TRPM3: variants seen among roughly 807,000 people sequenced by gnomAD.
The protein encoded by TRPM3 is long transient receptor potential channel 3.
A neutral mutation model predicts 181.2 loss-of-function variants in TRPM3; 77 were observed. The observed-to-expected ratio is 0.42, with a 90% CI of 0.35 to 0.51. The LOEUF (loss-of-function observed/expected upper bound fraction) is 0.51. Ranked by LOEUF, TRPM3 falls within the 20% of genes least tolerant of loss-of-function variation. The pLI is 0.01. For synonymous variants in TRPM3, 745 were observed against 796.4 expected, an observed-to-expected ratio of 0.94 and a Z score of 1.09; for missense variants, 1,759 against 2,196.7, an observed-to-expected ratio of 0.80 and a Z score of 3.98.
intron 1 of TRPM3, among the ~76,000 whole-genome samples, chr9:71,112,574 A>G (rs1169975012): frequency 6.6e-6 from 1 of 152,180 alleles, no homozygotes; most frequent in Non-Finnish European, 1.5e-5. Context: ...ACACTAATCA[A>G]AAACATAGTT....
At chr9:70,563,146 T>A (rs2049575614) in intron 22 of TRPM3, among the ~76,000 whole-genome samples, 1 of 152,238 alleles carries the variant, frequency 6.6e-6, no homozygotes, top group Non-Finnish European at 1.5e-5. Context: ...GAGACATGCA[T>A]GAGCTAGCCT....
intron 1 of TRPM3, among the ~76,000 whole-genome samples, chr9:71,006,475 CAT>C: frequency 6.6e-6 from 1 of 151,816 alleles, no homozygotes; most frequent in East Asian, 1.9e-4. Context: ...ATGATACACA[CAT>C]ATTGAAAGTG....
At chr9:70,943,307 G>T (rs1245133208) in intron 1 of TRPM3, among the ~76,000 whole-genome samples, 1 of 152,116 alleles carries the variant, frequency 6.6e-6, no homozygotes, top group Admixed American at 6.5e-5. Flanking sequence ...TCAAAACTTG[G>T]CTGATTACAT....
chr9:70,761,519 C>T, intron 8 of TRPM3, 82 bp downstream of exon 8: 1 of 1,597,934 alleles, frequency 6.3e-7, no homozygotes, highest in Non-Finnish European at 8.6e-7. Flanking sequence ...GAGAATGTTG[C>T]ATGATTTGAG....
intron 1 of TRPM3, among the ~76,000 whole-genome samples, chr9:71,276,929 G>T (rs1290398588): frequency 6.6e-6 from 1 of 152,132 alleles, no homozygotes; most frequent in Non-Finnish European, 1.5e-5. Flanking sequence ...AAAATAAGTT[G>T]TGATATGCCC....
At chr9:70,848,023 C>G (rs1055942963) in intron 3 of TRPM3, among the ~76,000 whole-genome samples, 1 of 151,776 alleles carries the variant, frequency 6.6e-6, no homozygotes, top group Admixed American at 6.6e-5. Flanking sequence ...GAATGAGAAC[C>G]AATAGAAACA....
At chr9:70,786,806 T>A (rs1372573111) in intron 6 of TRPM3, among the ~76,000 whole-genome samples, 3 of 152,214 alleles carry the variant, frequency 2.0e-5, no homozygotes, top group Non-Finnish European at 4.4e-5. Flanking sequence ...CTGTTTTATA[T>A]CAGATGATAT....
At chr9:71,349,633 T>A (rs2091488148) in intron 1 of TRPM3, among the ~76,000 whole-genome samples, 1 of 152,224 alleles carries the variant, frequency 6.6e-6, no homozygotes, top group South Asian at 2.1e-4. Flanking sequence ...ATGAATGCTC[T>A]TTCATAGGTC....
intron 1 of TRPM3, among the ~76,000 whole-genome samples, chr9:70,886,704 G>A (rs879870209): frequency 8.7e-5 from 13 of 149,938 alleles, no homozygotes; most frequent in South Asian, 2.1e-4. Context: ...CGCTCTTGTC[G>A]CCCAGGCTGG....
intron 8 of TRPM3, among the ~76,000 whole-genome samples, chr9:70,752,263 G>T (rs958171798): frequency 2.0e-5 from 3 of 152,100 alleles, no homozygotes; most frequent in Admixed American, 2.0e-4. Flanking sequence ...AGCCAGAAAG[G>T]CTCATGTATA....
At chr9:70,840,149 T>A (rs2094549821) in intron 5 of TRPM3, among the ~76,000 whole-genome samples, 1 of 152,170 alleles carries the variant, frequency 6.6e-6, no homozygotes, top group Non-Finnish European at 1.5e-5. Context: ...AACTATGTCA[T>A]AAATCCTGTA....
chr9:71,264,823 C>T (rs2083280848), intron 1 of TRPM3, among the ~76,000 whole-genome samples: 1 of 152,150 alleles, frequency 6.6e-6, no homozygotes, highest in Admixed American at 6.5e-5. Context: ...CCTTTCTTCT[C>T]ACCTTTTAAA....
intron 1 of TRPM3, among the ~76,000 whole-genome samples, chr9:71,196,392 C>A (rs1332317757): frequency 6.6e-6 from 1 of 151,870 alleles, no homozygotes; most frequent in Non-Finnish European, 1.5e-5. Flanking sequence ...TTTCAAAAGT[C>A]TTCCCTTCAT....
chr9:70,551,956 G>A (rs1163802801), intron 24 of TRPM3, among the ~76,000 whole-genome samples: 2 of 152,216 alleles, frequency 1.3e-5, no homozygotes, highest in South Asian at 2.1e-4. Flanking sequence ...GGTGTTAAGA[G>A]CTTCAGATTT....
At chr9:70,569,037 A>C (rs1014838444) in intron 22 of TRPM3, among the ~76,000 whole-genome samples, 3 of 152,238 alleles carry the variant, frequency 2.0e-5, no homozygotes, top group Non-Finnish European at 4.4e-5. Context: ...CCCAGTCTTC[A>C]TTTAACTATT....
chr9:71,078,093 A>T (rs768197052), intron 1 of TRPM3, among the ~76,000 whole-genome samples: 17 of 152,008 alleles, frequency 1.1e-4, no homozygotes, highest in Non-Finnish European at 1.8e-4. Flanking sequence ...GCAAAAACAT[A>T]CTTGGGAGGA....
intron 1 of TRPM3, among the ~76,000 whole-genome samples, chr9:71,180,171 C>T (rs1033524406): frequency 2.0e-5 from 3 of 150,410 alleles, no homozygotes; most frequent in African/African-American, 7.4e-5. Context: ...TCTCCTGTCT[C>T]AGCCTCCTGA....
At chr9:70,834,083 C>T (rs1356502016) in intron 5 of TRPM3, among the ~76,000 whole-genome samples, 1 of 152,180 alleles carries the variant, frequency 6.6e-6, no homozygotes, top group East Asian at 1.9e-4. Context: ...GGCACCTTGG[C>T]TGTAAGGACA....
intron 1 of TRPM3, among the ~76,000 whole-genome samples, chr9:70,891,594 C>G (rs1343689610): frequency 6.6e-6 from 1 of 152,032 alleles, no homozygotes; most frequent in Non-Finnish European, 1.5e-5. Flanking sequence ...TAAAAATGAA[C>G]AGCAATAGCA....
Sources: gnomAD v4.1 joint callset for allele counts (sites outside exome capture counted in the v4.1 genomes callset) on GRCh38, gnomAD v4.1.1 for gene constraint, MANE v1.5 for transcripts, NCBI Gene and HGNC (gene_info 2026-07-23, HGNC 2026-07-21) for gene names.